The following AKAP6 variants were observed in gnomAD, a reference collection of about 807,000 sequenced individuals.
AKAP6 encodes A-kinase anchor protein 6.
Under a neutral mutation model 188.5 loss-of-function variants are expected in AKAP6, and 58 were observed. That is an observed-to-expected ratio of 0.31 (90% CI 0.25 to 0.38). The LOEUF is 0.38. Among genes scored for constraint, AKAP6 ranks in the 10% least tolerant of loss-of-function variants. AKAP6 has a pLI of 1.00. For synonymous variants in AKAP6, 989 were observed against 998.6 expected, an observed-to-expected ratio of 0.99 and a Z score of 0.18; for missense variants, 2,710 against 2,740.0, an observed-to-expected ratio of 0.99 and a Z score of 0.24.
At chr14:32,706,736 T>A (rs1955513) in intron 9 of AKAP6, among the ~76,000 whole-genome samples, 2 of 152,154 alleles carry the variant, frequency 1.3e-5, no homozygotes, top group South Asian at 4.1e-4. Context: ...TGAGGCACAC[T>A]GGGGTAAGCA....
chr14:32,796,730 G>A (rs2033778708), intron 12 of AKAP6, among the ~76,000 whole-genome samples: 1 of 152,044 alleles, frequency 6.6e-6, no homozygotes, highest in Admixed American at 6.6e-5. Context: ...TACCATTCAG[G>A]ACATAGCCAT....
At chr14:32,472,135 CAG>C (rs1343255214) in intron 2 of AKAP6, among the ~76,000 whole-genome samples, 1 of 152,076 alleles carries the variant, frequency 6.6e-6, no homozygotes, top group Non-Finnish European at 1.5e-5. Flanking sequence ...GTAAATCAAC[CAG>C]AGAGAGGAGT....
At chr14:32,358,506 G>T (rs1887553555) in intron 1 of AKAP6, among the ~76,000 whole-genome samples, 2 of 151,972 alleles carry the variant, frequency 1.3e-5, no homozygotes, top group Non-Finnish European at 2.9e-5. Context: ...TCCCAGTTTG[G>T]TTTCTGACCT....
chr14:32,658,711 G>A (rs753007422), intron 7 of AKAP6, among the ~76,000 whole-genome samples: 1 of 150,430 alleles, frequency 6.6e-6, no homozygotes, highest in Non-Finnish European at 1.5e-5. Flanking sequence ...AACACTCTTA[G>A]GGGTGCAAAA....
chr14:32,798,197 C>G (rs942578105), intron 12 of AKAP6, among the ~76,000 whole-genome samples: 6 of 152,112 alleles, frequency 3.9e-5, no homozygotes, highest in African/African-American at 1.2e-4. Context: ...CAATGAGATG[C>G]CATCTTACAC....
intron 5 of AKAP6, among the ~76,000 whole-genome samples, chr14:32,584,610 T>C (rs1566589612): frequency 6.6e-6 from 1 of 152,210 alleles, no homozygotes; most frequent in Non-Finnish European, 1.5e-5. Context: ...AGGTTCTTCA[T>C]GACACGTTGT....
At chr14:32,584,416 G>A (rs1885135456) in intron 5 of AKAP6, among the ~76,000 whole-genome samples, 1 of 152,148 alleles carries the variant, frequency 6.6e-6, no homozygotes, top group Non-Finnish European at 1.5e-5. Context: ...AATTTTTTAT[G>A]TCTGGAGCTT....
rs1461493512 is a variant in AKAP6, at chr14:32,756,262, TG to T, written c.3373-17413del. Among the ~76,000 whole-genome samples the T allele has an allele frequency of 2.0e-5, 3 of 152,152 alleles. No individual in the cohort carries two copies. The East Asian group carries it at 5.8e-4, about 29-fold the overall frequency. On this transcript the variant is annotated intron_variant, in intron 11 of 13. Coordinates refer to ENST00000280979, the MANE Select transcript of AKAP6 (RefSeq NM_004274.5). The stretch of plus-strand genomic sequence containing the variant: ...TCTCTAGTGTCAACCTGGTACTCTG[TG>T]GGCCTTGAGCCTGAGTCTGTGGGGG...
chr14:32,485,561 C>A (rs577901022), intron 2 of AKAP6, among the ~76,000 whole-genome samples: 19 of 152,248 alleles, frequency 1.2e-4, no homozygotes, highest in South Asian at 8.3e-4. Context: ...CTCTAATGAC[C>A]AGTGATGATG....
chr14:32,545,196 C>T (rs751547855), intron 3 of AKAP6, 34 bp from the exon 4 acceptor site: 1 of 1,578,496 alleles, frequency 6.3e-7, no homozygotes, highest in Admixed American at 1.7e-5. Flanking sequence ...ATTGATGTTG[C>T]ATTTACTGAA....
At chr14:32,804,791 A>G (rs2034046207) in intron 12 of AKAP6, among the ~76,000 whole-genome samples, 1 of 151,522 alleles carries the variant, frequency 6.6e-6, no homozygotes, top group African/African-American at 2.4e-5. Context: ...CCATTTATAG[A>G]CCTCCCCCCA....
chr14:32,429,286 C>T (rs1890139125), intron 1 of AKAP6, among the ~76,000 whole-genome samples: 1 of 152,190 alleles, frequency 6.6e-6, no homozygotes, highest in Admixed American at 6.5e-5. Context: ...ATATTATTTA[C>T]AGATATAGAC....
rs1245302165 is a variant in AKAP6, at chr14:32,822,182, G to T, written c.4369G>T (p.Glu1457Ter). Residue 1457 changes from glutamate (E) to a stop codon, truncating the protein, a stop_gained, in exon 13 of 14, where the codon GAA becomes TAA. Transcript: ENST00000280979. LOFTEE classifies it high-confidence loss of function. Reference sequence around the variant, plus strand: ...ACATACCCCTGACTGTTTGGGAGAAGAATTACAAGGAAAACATGATGTGTT... The same window carrying T: ...ACATACCCCTGACTGTTTGGGAGAATAATTACAAGGAAAACATGATGTGTT... ...TKHTPDCLGE[E>*]LQGKHDVFTF... 1.2e-6 allele frequency: 2 copies of T among 1,613,690 alleles called. No homozygotes were observed. Among genetic ancestry groups the T allele is most frequent in the Non-Finnish European group, 1.7e-6 (2 of 1,179,898 alleles).
chr14:32,432,897 C>T (rs570966844), intron 1 of AKAP6, among the ~76,000 whole-genome samples: 10 of 152,254 alleles, frequency 6.6e-5, no homozygotes, highest in African/African-American at 2.4e-4. Context: ...ACCCGTGTTT[C>T]TACCCTCATG....
At chr14:32,590,937 A>G (rs1885461087) in intron 5 of AKAP6, among the ~76,000 whole-genome samples, 1 of 152,208 alleles carries the variant, frequency 6.6e-6, no homozygotes, top group African/African-American at 2.4e-5. Context: ...AATGCATGAA[A>G]CATGTGGGAG....
At chr14:32,749,742 C>A (rs541565653) in intron 11 of AKAP6, among the ~76,000 whole-genome samples, 1 of 152,312 alleles carries the variant, frequency 6.6e-6, no homozygotes, top group East Asian at 1.9e-4. Flanking sequence ...ATATGTAAGA[C>A]ATACAATTCT....
intron 2 of AKAP6, among the ~76,000 whole-genome samples, chr14:32,493,228 A>G (rs1401519872): frequency 1.3e-5 from 2 of 151,884 alleles, no homozygotes; most frequent in Non-Finnish European, 2.9e-5. Context: ...GTTTTTTGAG[A>G]CAGGGTCTCT....
At chr14:32,346,461 A>G (rs1178690023) in intron 1 of AKAP6, among the ~76,000 whole-genome samples, 1 of 152,226 alleles carries the variant, frequency 6.6e-6, no homozygotes, top group African/African-American at 2.4e-5. Context: ...GTAACTTCCC[A>G]AAAACTCTGT....
At chr14:32,794,109 A>G (rs2033692243) in intron 12 of AKAP6, among the ~76,000 whole-genome samples, 1 of 152,166 alleles carries the variant, frequency 6.6e-6, no homozygotes, top group African/African-American at 2.4e-5. Flanking sequence ...GAGGTAAAAT[A>G]CTCCTCAGCA....
Sources: gnomAD v4.1 joint callset for allele counts (sites outside exome capture counted in the v4.1 genomes callset) on GRCh38, gnomAD v4.1.1 for gene constraint, MANE v1.5 for transcripts, NCBI Gene and HGNC (gene_info 2026-07-23, HGNC 2026-07-21) for gene names.